The following SMARCC1 variants were observed in gnomAD, a reference collection of about 807,000 sequenced individuals.
The protein encoded by SMARCC1 is SWI/SNF related BAF chromatin remodeling complex subunit C1.
Under a neutral mutation model 147.4 loss-of-function variants are expected in SMARCC1, and 43 were observed. That is an observed-to-expected ratio of 0.29 (90% CI 0.23 to 0.38). The LOEUF (loss-of-function observed/expected upper bound fraction) is 0.38, where lower values mean the gene tolerates loss of function less well. Among genes scored for constraint, SMARCC1 ranks in the 10% least tolerant of loss-of-function variants. SMARCC1 has a pLI of 1.00. For synonymous variants in SMARCC1, 495 were observed against 484.4 expected, an observed-to-expected ratio of 1.02 and a Z score of -0.29; for missense variants, 1,119 against 1,381.1, an observed-to-expected ratio of 0.81 and a Z score of 3.01.
chr3:47,722,930 C>T (rs1208106263), intron 6 of SMARCC1, among the ~76,000 whole-genome samples: 1 of 152,158 alleles, frequency 6.6e-6, no homozygotes, highest in Non-Finnish European at 1.5e-5. Context: ...AAAGGTAACA[C>T]AGGGCAGAGT....
chr3:47,663,210 G>GAA (rs2106738494), intron 19 of SMARCC1, among the ~76,000 whole-genome samples: 3 of 58,308 alleles, frequency 5.1e-5, no homozygotes, highest in Admixed American at 4.9e-4. Context: ...GGGAGGGGAG[G>GAA]GGAGGAAGGA....
chr3:47,604,216 T>C (rs939847569), intron 26 of SMARCC1: 6 of 456,696 alleles, frequency 1.3e-5, no homozygotes, highest in African/African-American at 1.0e-4. Context: ...CACTAACTGA[T>C]GGAGAGTTTT....
In SMARCC1 at chr3:47,635,335, T is replaced by C. The variant is rs149750710; in HGVS notation, c.2501A>G (p.Glu834Gly). 6.2e-7 allele frequency: 1 copy of C among 1,611,648 alleles called. No homozygotes were observed. The highest frequency in any genetic ancestry group is 8.5e-7 in the Non-Finnish European group (1 of 1,179,840). Residue 834 changes from glutamate (E) to glycine (G), a missense_variant, in exon 24 of 28, where the codon GAG becomes GGG. By Grantham distance (98) the Glu-to-Gly change is moderately conservative (BLOSUM62 -2). Coordinates refer to ENST00000254480, the MANE Select transcript of SMARCC1 (RefSeq NM_003074.4). The stretch of plus-strand genomic sequence containing the variant: ...AGTGAGTTCTTTGTTCTCTTCAGTC[T>C]CCTTTTCTTCTGAAAATATCAGAAA... ...VSEDTKSEEK[E>G]TEENKELTDT...
rs1018074161 is a variant in SMARCC1 at position 47,635,316 on chromosome 3, T to C, written c.2520A>G (p.Glu840=). The change falls in exon 24 of 28, where the codon GAA becomes GAG. Residue 840 remains glutamate (E), a synonymous_variant. Coordinates refer to ENST00000254480, the MANE Select transcript of SMARCC1 (RefSeq NM_003074.4). ...SEEKETEENK[E]LTDTCKERES... The stretch of plus-strand genomic sequence containing the variant: ...CTCTTTCTTTACATGTATCAGTGAG[T>C]TCTTTGTTCTCTTCAGTCTCCTTTT... 3.1e-6 allele frequency: 5 copies of C among 1,612,662 alleles called. No homozygotes were observed. The highest frequency in any genetic ancestry group is 4.2e-6 in the Non-Finnish European group (5 of 1,179,784).
At chr3:47,671,186 A>AAAAAAAAAAC (rs2033494258) in intron 18 of SMARCC1, among the ~76,000 whole-genome samples, 1 of 145,964 alleles carries the variant, frequency 6.9e-6, no homozygotes, top group African/African-American at 2.5e-5. Flanking sequence ...AAAAAAAAAA[A>AAAAAAAAAAC]AAAAAAAAAA....
At chr3:47,781,262 C>T (rs1356709101) in intron 1 of SMARCC1, among the ~76,000 whole-genome samples, 1 of 152,252 alleles carries the variant, frequency 6.6e-6, no homozygotes, top group Non-Finnish European at 1.5e-5. Flanking sequence ...ACCACGCTTG[C>T]TCGGTCTTTA....
In SMARCC1 at chr3:47,759,069, G is replaced by A. The variant is rs192425806; in HGVS notation, c.316-13076C>T. On this transcript the variant is annotated intron_variant, in intron 2 of 27. Transcript: ENST00000254480. The stretch of plus-strand genomic sequence containing the variant: ...TCACTTTCATCCAGGCCATAGTGCA[G>A]AGGTGCAATCTCAGCTCACTACAAC... Among the ~76,000 whole-genome samples, 23 of 151,620 alleles carry A rather than the reference G, an allele frequency of 1.5e-4. No individual in the cohort carries two copies. The East Asian group carries it at 4.3e-3, about 29-fold the overall frequency.
At chr3:47,637,235 T>G (rs755951310) in intron 22 of SMARCC1, among the ~76,000 whole-genome samples, 5 of 152,170 alleles carry the variant, frequency 3.3e-5, no homozygotes, top group Non-Finnish European at 7.3e-5. Context: ...AAATGTGAAG[T>G]ACAAATATCG....
At chr3:47,710,877 A>G in intron 8 of SMARCC1, 69 bp from the exon 9 acceptor site, 9 of 1,306,204 alleles carry the variant, frequency 6.9e-6, no homozygotes, top group Non-Finnish European at 9.5e-6. Context: ...CAGTATTGAG[A>G]AGGAAACAAG....
At chr3:47,717,933 A>T (rs964300680) in intron 7 of SMARCC1, among the ~76,000 whole-genome samples, 1 of 151,790 alleles carries the variant, frequency 6.6e-6, no homozygotes, top group Non-Finnish European at 1.5e-5. Context: ...TACTTTGAAC[A>T]GTTTGAGGCC....
At chr3:47,710,651 T>C (rs1559651334) in intron 9 of SMARCC1, 32 bp downstream of exon 9, 1 of 1,608,566 alleles carries the variant, frequency 6.2e-7, no homozygotes, top group South Asian at 1.1e-5. Flanking sequence ...GAAGACAGAC[T>C]TAATGATGAG....
At position 47,726,061 on chromosome 3, in the gene SMARCC1, C is replaced by CAAAAAAAA. The variant is rs546659321; in HGVS notation, c.646+2956_646+2963dup. On this transcript the variant is annotated intron_variant, in intron 6 of 27. Coordinates refer to ENST00000254480, the MANE Select transcript of SMARCC1 (RefSeq NM_003074.4). ...TGGGTAGAAGAGTGAGACTCTGTCT[C>CAAAAAAAA]AAAAAAAAAAAAAAAAAAAAGGTGA... Among the ~76,000 whole-genome samples, 18 of 50,782 alleles carry CAAAAAAAA rather than the reference C, an allele frequency of 3.5e-4. 1 individual carries two copies. The South Asian group carries it at 9.3e-3, about 26-fold the overall frequency. 33.3% of individuals were successfully genotyped at this position (50,782 alleles called of 152,430 possible).
At chr3:47,702,882 G>A (rs909630295) in intron 10 of SMARCC1, among the ~76,000 whole-genome samples, 2 of 152,114 alleles carry the variant, frequency 1.3e-5, no homozygotes, top group Non-Finnish European at 2.9e-5. Context: ...GCAGGCAAGA[G>A]CCACTGGCTC....
chr3:47,687,651 T>C (rs1159810202), intron 13 of SMARCC1, among the ~76,000 whole-genome samples: 1 of 152,204 alleles, frequency 6.6e-6, no homozygotes. Context: ...AAGTTTTTGT[T>C]GATGCAGAGT....
At chr3:47,601,137 T>C (rs929207695) in intron 26 of SMARCC1, among the ~76,000 whole-genome samples, 3 of 150,994 alleles carry the variant, frequency 2.0e-5, no homozygotes, top group South Asian at 2.1e-4. Context: ...TTTCTTTTTT[T>C]TTTTTAAACA....
chr3:47,610,629 A>C, intron 25 of SMARCC1: 1 of 399,862 alleles, frequency 2.5e-6, no homozygotes. Flanking sequence ...AATCCCCTCT[A>C]TGTTTGGCAG....
chr3:47,604,056 G>C (rs1408400447), intron 26 of SMARCC1: 4 of 456,592 alleles, frequency 8.8e-6, no homozygotes, highest in Admixed American at 7.1e-5. Flanking sequence ...AGGGCAGAGG[G>C]GCTGAAGAAC....
chr3:47,777,505 G>A (rs911569813), intron 1 of SMARCC1, among the ~76,000 whole-genome samples: 4 of 151,932 alleles, frequency 2.6e-5, no homozygotes, highest in Admixed American at 2.6e-4. Context: ...ACCAGTCTGG[G>A]CAACACAGTA....
intron 12 of SMARCC1, among the ~76,000 whole-genome samples, chr3:47,691,598 G>C (rs1350668052): frequency 1.3e-5 from 2 of 152,080 alleles, no homozygotes; most frequent in East Asian, 1.9e-4. Context: ...TGGGTGACAA[G>C]AGCGAGACTT....
Sources: gnomAD v4.1 joint callset for allele counts (sites outside exome capture counted in the v4.1 genomes callset) on GRCh38, gnomAD v4.1.1 for gene constraint, MANE v1.5 for transcripts, NCBI Gene and HGNC (gene_info 2026-07-23, HGNC 2026-07-21) for gene names.